Variants in MICU2 observed in about 807,000 individuals in gnomAD.
MICU2 encodes the protein calcium uptake protein 2, mitochondrial.
Under a neutral mutation model 60.4 loss-of-function variants are expected in MICU2, and 64 were observed. That is an observed-to-expected ratio of 1.06 (90% CI 0.87 to 1.31). The LOEUF is 1.31. MICU2 is among the 50% of genes most tolerant of loss of function. The pLI, the probability that MICU2 is intolerant of heterozygous loss-of-function variation, is 0.00. For missense variants in MICU2, 569 were observed against 531.0 expected (o/e 1.07, Z -0.70); for synonymous variants, 201 against 175.0 (o/e 1.15, Z -1.17).
At chr13:21,559,657 T>C (rs1480238579) in intron 2 of MICU2, among the ~76,000 whole-genome samples, 12 of 152,030 alleles carry the variant, frequency 7.9e-5, no homozygotes. Context: ...CCTGAGTAGC[T>C]GGGACTACAG....
intron 4 of MICU2, among the ~76,000 whole-genome samples, chr13:21,533,588 G>T (rs113440124): frequency 0.053 from 8,010 of 152,092 alleles, 712 homozygotes; most frequent in African/African-American, 0.18. Context: ...CTCCCAAAGT[G>T]CTGGGATTAC....
At chr13:21,536,658 G>C (rs190068566) in intron 4 of MICU2, among the ~76,000 whole-genome samples, 7 of 152,292 alleles carry the variant, frequency 4.6e-5, no homozygotes, top group African/African-American at 1.4e-4. Context: ...ATTTGAGAAT[G>C]TTGTAAATCT....
chr13:21,562,393 C>T (rs1887868398), intron 2 of MICU2, among the ~76,000 whole-genome samples: 1 of 152,132 alleles, frequency 6.6e-6, no homozygotes, highest in Non-Finnish European at 1.5e-5. Context: ...GTTGATATAT[C>T]TGGATTGATA....
In MICU2 at chr13:21,575,642, A is replaced by C. The variant is rs897998644; in HGVS notation, c.211-8698T>G. On this transcript the variant is annotated intron_variant, in intron 1 of 11. Transcript: ENST00000382374. ...GGGAGGCTGAGGTGGAGGTGGGAGG[A>C]TCGCTTGAGCCTTGGAGGTCAAGGC... Among the ~76,000 whole-genome samples the C allele has an allele frequency of 4.3e-5, 6 of 140,532 alleles. No homozygotes were observed. The East Asian group carries it at 9.2e-4, about 22-fold the overall frequency. The allele number at this position is 140,532 out of a possible 152,430, so 92.2% of individuals were successfully genotyped here.
intron 1 of MICU2, among the ~76,000 whole-genome samples, chr13:21,582,569 G>A (rs188087221): frequency 7.9e-5 from 12 of 152,176 alleles, no homozygotes; most frequent in Admixed American, 3.3e-4. Flanking sequence ...GAATATGTAC[G>A]TTCAATTATT....
At chr13:21,505,519 T>C (rs550664454) in intron 8 of MICU2, among the ~76,000 whole-genome samples, 5 of 152,330 alleles carry the variant, frequency 3.3e-5, no homozygotes, top group African/African-American at 7.2e-5. Context: ...AATTACACTG[T>C]GGTTTTTACT....
At chr13:21,530,349 A>C (rs2138179915) in intron 4 of MICU2, among the ~76,000 whole-genome samples, 1 of 151,958 alleles carries the variant, frequency 6.6e-6, no homozygotes, top group East Asian at 1.9e-4. Flanking sequence ...TCATTCCTCT[A>C]TTTCTCGTAT....
chr13:21,581,697 T>C (rs1413302205), intron 1 of MICU2, among the ~76,000 whole-genome samples: 1 of 152,152 alleles, frequency 6.6e-6, no homozygotes, highest in African/African-American at 2.4e-5. Flanking sequence ...GAGATGAATA[T>C]TTGACTCAGT....
intron 2 of MICU2, among the ~76,000 whole-genome samples, chr13:21,560,839 A>T (rs997688393): frequency 5.1e-4 from 78 of 152,194 alleles, no homozygotes; most frequent in African/African-American, 1.8e-3. Flanking sequence ...AGTTAGCTAT[A>T]TAGCTTGTCC....
chr13:21,516,760 C>A (rs532678463), intron 6 of MICU2, among the ~76,000 whole-genome samples: 1 of 152,084 alleles, frequency 6.6e-6, no homozygotes, highest in Non-Finnish European at 1.5e-5. Flanking sequence ...TGACAACTCA[C>A]GTAAAAGGCA....
chr13:21,551,484 T>C lies in MICU2; in HGVS notation c.359-11796A>G, dbSNP rs530277805. 9.2e-5 allele frequency: 14 copies of C among 152,128 alleles called. No homozygotes were observed. The East Asian group carries it at 2.5e-3, about 27-fold the overall frequency. 9.4% of individuals were successfully genotyped at this position (152,128 alleles called of 1,614,324 possible). A position where few individuals can be genotyped will look rare whatever the true frequency, so the allele number is the denominator to read the frequency against. ...TAAGTTTTAGGGTACATGTGCACAA[T>C]GTGCAGGTTAGTTACATATGTATAC... On this transcript the variant is annotated intron_variant, in intron 2 of 11. Coordinates refer to ENST00000382374, the MANE Select transcript of MICU2 (RefSeq NM_152726.3).
chr13:21,590,828 C>T (rs1888563952), intron 1 of MICU2, among the ~76,000 whole-genome samples: 1 of 152,182 alleles, frequency 6.6e-6, no homozygotes, highest in Non-Finnish European at 1.5e-5. Flanking sequence ...GCACTCTAGC[C>T]TGGCGACAAA....
At chr13:21,592,251 C>G (rs1481627689) in intron 1 of MICU2, among the ~76,000 whole-genome samples, 1 of 152,140 alleles carries the variant, frequency 6.6e-6, no homozygotes, top group African/African-American at 2.4e-5. Context: ...CGCAAATAAA[C>G]TAGAAAATCT....
chr13:21,583,543 T>A (rs1041023), intron 1 of MICU2, among the ~76,000 whole-genome samples: 143,982 of 152,306 alleles, frequency 0.95, 68,219 homozygotes, highest in East Asian at 1. Context: ...ATATGTAGGC[T>A]GCTGGATCAG....
chr13:21,594,198 A>C (rs1398543521), intron 1 of MICU2, among the ~76,000 whole-genome samples: 2 of 152,162 alleles, frequency 1.3e-5, no homozygotes, highest in Non-Finnish European at 2.9e-5. Context: ...AAAAAGAAAC[A>C]ACCCCACCAA....
chr13:21,570,730 T>C (rs1888088430), intron 1 of MICU2, among the ~76,000 whole-genome samples: 1 of 152,236 alleles, frequency 6.6e-6, no homozygotes, highest in East Asian at 1.9e-4. Context: ...AAAAGGGACT[T>C]AGAGATCATC....
At chr13:21,560,189 A>G (rs1887807458) in intron 2 of MICU2, among the ~76,000 whole-genome samples, 1 of 152,170 alleles carries the variant, frequency 6.6e-6, no homozygotes, top group African/African-American at 2.4e-5. Flanking sequence ...AATATGGTTG[A>G]ATTTTATCAA....
chr13:21,587,902 T>C (rs1240992363), intron 1 of MICU2, among the ~76,000 whole-genome samples: 1 of 152,236 alleles, frequency 6.6e-6, no homozygotes, highest in African/African-American at 2.4e-5. Flanking sequence ...TCTTGATTTT[T>C]CTTTTTTGAT....
At chr13:21,513,884 A>G (rs984413774) in intron 7 of MICU2, among the ~76,000 whole-genome samples, 6 of 152,028 alleles carry the variant, frequency 3.9e-5, no homozygotes, top group African/African-American at 1.4e-4. Flanking sequence ...TTACATGTAT[A>G]CTTATATATA....
Sources: gnomAD v4.1 joint callset for allele counts (sites outside exome capture counted in the v4.1 genomes callset) on GRCh38, gnomAD v4.1.1 for gene constraint, MANE v1.5 for transcripts, NCBI Gene and HGNC (gene_info 2026-07-23, HGNC 2026-07-21) for gene names.